Variants in PPP2R3A observed in about 807,000 individuals in gnomAD.
The protein encoded by PPP2R3A is serine/threonine-protein phosphatase 2A regulatory subunit B'' subunit alpha.
PPP2R3A carries 80 observed loss-of-function variants against 106.9 expected under a neutral mutation model. That is an observed-to-expected ratio of 0.75 (90% CI 0.62 to 0.90). The LOEUF (loss-of-function observed/expected upper bound fraction) is 0.90, where lower values mean the gene tolerates loss of function less well. PPP2R3A is among the 40% of genes least tolerant of loss of function. The pLI is 0.00. For missense variants in PPP2R3A, 1,386 were observed against 1,350.4 expected (o/e 1.03, Z -0.41); for synonymous variants, 483 against 468.3 (o/e 1.03, Z -0.41).
intron 5 of PPP2R3A, chr3:136,055,831 C>G (rs1935842357): frequency 1.9e-6 from 1 of 523,512 alleles, no homozygotes; most frequent in Non-Finnish European, 3.4e-6. Context: ...CAAATCTATG[C>G]AGAATTGCAA....
At chr3:136,094,768 T>G (rs1297078571) in intron 10 of PPP2R3A, among the ~76,000 whole-genome samples, 1 of 152,154 alleles carries the variant, frequency 6.6e-6, no homozygotes, top group African/African-American at 2.4e-5. Context: ...CTCCCAGCCC[T>G]GATAATTTAA....
chr3:135,987,712 C>G (rs1474338729), intron 1 of PPP2R3A, among the ~76,000 whole-genome samples: 1 of 151,348 alleles, frequency 6.6e-6, no homozygotes, highest in Non-Finnish European at 1.5e-5. Context: ...GTCTCCTTTG[C>G]TGGTTCTTCT....
At chr3:135,986,465 A>G (rs575087108) in intron 1 of PPP2R3A, among the ~76,000 whole-genome samples, 1 of 152,142 alleles carries the variant, frequency 6.6e-6, no homozygotes, top group East Asian at 1.9e-4. Context: ...TTGACATATT[A>G]ATTATCATAT....
chr3:135,987,813 A>G (rs1190982197), intron 1 of PPP2R3A, among the ~76,000 whole-genome samples: 1 of 152,216 alleles, frequency 6.6e-6, no homozygotes, highest in Non-Finnish European at 1.5e-5. Context: ...CAAGTGCTCA[A>G]TAGCCACATG....
chr3:136,044,363 G>A (rs543440429), intron 4 of PPP2R3A, among the ~76,000 whole-genome samples: 18 of 152,044 alleles, frequency 1.2e-4, no homozygotes, highest in Admixed American at 3.3e-4. Context: ...TCTTGAGGGC[G>A]GTTGGGATAC....
chr3:135,983,956 T>A (rs918587916), intron 1 of PPP2R3A, among the ~76,000 whole-genome samples: 1 of 151,992 alleles, frequency 6.6e-6, no homozygotes, highest in African/African-American at 2.4e-5. Flanking sequence ...CTGTTATGAC[T>A]TTTTTTATAG....
chr3:136,051,184 T>G (rs1935673349), intron 5 of PPP2R3A, among the ~76,000 whole-genome samples: 1 of 152,260 alleles, frequency 6.6e-6, no homozygotes, highest in Non-Finnish European at 1.5e-5. Flanking sequence ...AAGATAAGCT[T>G]TTCCTGCCTG....
At chr3:136,042,883 A>G (rs907539954) in intron 4 of PPP2R3A, among the ~76,000 whole-genome samples, 4 of 152,176 alleles carry the variant, frequency 2.6e-5, no homozygotes, top group Non-Finnish European at 5.9e-5. Context: ...GGGAGCCCCA[A>G]GTGTGGCTAT....
At chr3:136,094,466 T>C (rs901881694) in intron 10 of PPP2R3A, among the ~76,000 whole-genome samples, 4 of 152,182 alleles carry the variant, frequency 2.6e-5, no homozygotes, top group Admixed American at 1.3e-4. Context: ...GAAATCAATA[T>C]GAGAAAGACA....
chr3:135,982,155 T>C (rs1937547342), intron 1 of PPP2R3A, among the ~76,000 whole-genome samples: 2 of 151,728 alleles, frequency 1.3e-5, no homozygotes, highest in African/African-American at 2.4e-5. Context: ...CTGAATGAGT[T>C]TATATCCTGG....
chr3:136,101,064 C>T (rs1253637517), intron 10 of PPP2R3A, among the ~76,000 whole-genome samples: 10 of 152,098 alleles, frequency 6.6e-5, no homozygotes, highest in Non-Finnish European at 1.3e-4. Flanking sequence ...AGGAGAAAGG[C>T]GAAAGGAATC....
intron 6 of PPP2R3A, 96 bp downstream of exon 6, chr3:136,070,648 A>G (rs1221032494): frequency 4.2e-6 from 4 of 947,956 alleles, no homozygotes; most frequent in African/African-American, 3.4e-5. Context: ...GCAAAAGGTA[A>G]CATGGGTTAT....
intron 1 of PPP2R3A, among the ~76,000 whole-genome samples, 187 bp downstream of exon 1, chr3:135,966,036 TCGGTGCGGTG>T (rs761032303): frequency 5.9e-5 from 9 of 151,532 alleles, no homozygotes; most frequent in South Asian, 2.1e-4. Flanking sequence ...GGAATTCCAG[TCGGTGCGGTG>T]CGGTGCGGTG....
At chr3:136,009,078 A>G (rs1933952438) in intron 2 of PPP2R3A, among the ~76,000 whole-genome samples, 1 of 152,040 alleles carries the variant, frequency 6.6e-6, no homozygotes, top group African/African-American at 2.4e-5. Context: ...TGCACTCTGA[A>G]TTCATGATGA....
At chr3:136,005,075 T>C (rs1016984343) in intron 2 of PPP2R3A, among the ~76,000 whole-genome samples, 5 of 152,130 alleles carry the variant, frequency 3.3e-5, no homozygotes, top group African/African-American at 4.8e-5. Flanking sequence ...AATTTGAAAC[T>C]TTTTGGGCAC....
At chr3:136,074,000 C>T (rs114129180) in intron 6 of PPP2R3A, among the ~76,000 whole-genome samples, 5 of 152,164 alleles carry the variant, frequency 3.3e-5, no homozygotes, top group Admixed American at 6.5e-5. Context: ...TAAAGATCAG[C>T]CTCAGAATTA....
At chr3:136,080,188 TC>T (rs1368238696) in intron 7 of PPP2R3A, among the ~76,000 whole-genome samples, 1 of 152,232 alleles carries the variant, frequency 6.6e-6, no homozygotes, top group African/African-American at 2.4e-5. Flanking sequence ...AGGGTTTTTT[TC>T]ATTTCCATTC....
chr3:136,120,016 A>G (rs1937931128), intron 13 of PPP2R3A, among the ~76,000 whole-genome samples: 4 of 152,054 alleles, frequency 2.6e-5, no homozygotes, highest in Admixed American at 6.6e-5. Flanking sequence ...ATGGAATACT[A>G]TGCAGCCATA....
At chr3:135,983,523 G>A (rs2107762534) in intron 1 of PPP2R3A, among the ~76,000 whole-genome samples, 1 of 152,252 alleles carries the variant, frequency 6.6e-6, no homozygotes, top group South Asian at 2.1e-4. Flanking sequence ...CTTCTTTTCA[G>A]TGCATTTTTG....
Sources: gnomAD v4.1 joint callset for allele counts (sites outside exome capture counted in the v4.1 genomes callset) on GRCh38, gnomAD v4.1.1 for gene constraint, MANE v1.5 for transcripts, NCBI Gene and HGNC (gene_info 2026-07-23, HGNC 2026-07-21) for gene names.